Variants in GPC5 observed in about 807,000 individuals in gnomAD.
GPC5 encodes glypican 5.
A neutral mutation model predicts 53.9 loss-of-function variants in GPC5; 47 were observed. The observed-to-expected ratio is 0.87, with a 90% confidence interval of 0.69 to 1.11. GPC5 has a LOEUF of 1.11. Among genes scored for constraint, GPC5 ranks in the 50% most tolerant of loss-of-function variants. The pLI, the probability that GPC5 is intolerant of heterozygous loss-of-function variation, is 0.00. For missense variants in GPC5, 748 were observed against 713.1 expected (o/e 1.05, Z -0.56); for synonymous variants, 286 against 263.3 (o/e 1.09, Z -0.84).
chr13:91,959,587 A>C (rs1179592063), intron 6 of GPC5, among the ~76,000 whole-genome samples: 2 of 152,010 alleles, frequency 1.3e-5, no homozygotes, highest in African/African-American at 4.8e-5. Context: ...TTAGGACACA[A>C]CAAAAAGAAA....
rs554445041 is a variant in GPC5 at position 92,297,373 on chromosome 13, G to C, written c.1561+152384G>C. On this transcript the variant is annotated intron_variant, in intron 7 of 7. Transcript: ENST00000377067. ...ATCAGCACCCTGTGTTTAGCTCAAG[G>C]TTTGTGAGTGCACCAATCGACACTC... 2.6e-4 allele frequency among the ~76,000 whole-genome samples: 37 copies of C among 145,046 alleles called. 1 individual carries two copies. The highest frequency in any genetic ancestry group is 9.6e-4 in the African/African-American group (37 of 38,728).
chr13:92,264,776 G>A (rs2042790134), intron 7 of GPC5, among the ~76,000 whole-genome samples: 1 of 150,834 alleles, frequency 6.6e-6, no homozygotes, highest in Non-Finnish European at 1.5e-5. Flanking sequence ...ATAGCAACAT[G>A]TTCATGCTTT....
At chr13:92,289,803 ACTCTT>A (rs1488280093) in intron 7 of GPC5, among the ~76,000 whole-genome samples, 1 of 151,638 alleles carries the variant, frequency 6.6e-6, no homozygotes, top group Non-Finnish European at 1.5e-5. Context: ...AGTGAAATTC[ACTCTT>A]CTCTATATAT....
intron 7 of GPC5, among the ~76,000 whole-genome samples, chr13:92,614,785 G>T (rs1884628004): frequency 6.6e-6 from 1 of 152,082 alleles, no homozygotes; most frequent in Non-Finnish European, 1.5e-5. Flanking sequence ...GAGAATCAAG[G>T]TTATTTCAAA....
chr13:92,052,578 G>A (rs887307105), intron 6 of GPC5, among the ~76,000 whole-genome samples: 1 of 152,110 alleles, frequency 6.6e-6, no homozygotes, highest in African/African-American at 2.4e-5. Flanking sequence ...CAATCCTTTA[G>A]CTAGGCACAG....
intron 3 of GPC5, among the ~76,000 whole-genome samples, chr13:91,722,824 G>A (rs1249396520): frequency 5.3e-5 from 8 of 152,150 alleles, no homozygotes; most frequent in Admixed American, 5.2e-4. Flanking sequence ...TTGCCAAGCA[G>A]AGATAGTATG....
chr13:91,884,093 A>G (rs1468204344), intron 5 of GPC5, among the ~76,000 whole-genome samples: 1 of 152,190 alleles, frequency 6.6e-6, no homozygotes, highest in Non-Finnish European at 1.5e-5. Context: ...TAAAAAGTCA[A>G]AAAATAACAG....
intron 7 of GPC5, among the ~76,000 whole-genome samples, chr13:92,763,778 A>T (rs1436449044): frequency 1.3e-5 from 2 of 152,172 alleles, no homozygotes; most frequent in East Asian, 3.9e-4. Context: ...AGCTATGAAT[A>T]TGATCCTGTG....
At chr13:91,695,509 GACTACAGGTGCCC>G (rs1283757945) in intron 3 of GPC5, among the ~76,000 whole-genome samples, 1 of 152,056 alleles carries the variant, frequency 6.6e-6, no homozygotes, top group Non-Finnish European at 1.5e-5. Context: ...ACGTAGCTGG[GACTACAGGTGCCC>G]ACTACCATGC....
intron 6 of GPC5, among the ~76,000 whole-genome samples, chr13:92,098,746 G>A (rs549661007): frequency 3.3e-5 from 5 of 152,158 alleles, no homozygotes; most frequent in Non-Finnish European, 5.9e-5. Flanking sequence ...GTAATCACAA[G>A]GGTCTTTAAA....
intron 7 of GPC5, among the ~76,000 whole-genome samples, chr13:92,171,212 G>T (rs1167773822): frequency 6.6e-6 from 1 of 151,896 alleles, no homozygotes; most frequent in Non-Finnish European, 1.5e-5. Context: ...CCACTTTTTT[G>T]TTCTATGTAC....
At chr13:91,401,589 C>T (rs1428183182) in intron 1 of GPC5, among the ~76,000 whole-genome samples, 2 of 152,132 alleles carry the variant, frequency 1.3e-5, no homozygotes, top group South Asian at 2.1e-4. Flanking sequence ...TTTGGAAGTA[C>T]GTATTTTTAC....
intron 7 of GPC5, among the ~76,000 whole-genome samples, chr13:92,221,526 C>A (rs2042448320): frequency 6.6e-6 from 1 of 152,090 alleles, no homozygotes; most frequent in African/African-American, 2.4e-5. Context: ...TCCCAACACC[C>A]TCTCCCACAT....
At chr13:91,855,316 A>G (rs1673392815) in intron 5 of GPC5, among the ~76,000 whole-genome samples, 1 of 151,652 alleles carries the variant, frequency 6.6e-6, no homozygotes, top group Non-Finnish European at 1.5e-5. Context: ...AGTCATATCT[A>G]AGCAACGAAA....
intron 1 of GPC5, among the ~76,000 whole-genome samples, chr13:91,433,808 G>C (rs1179485458): frequency 6.6e-6 from 1 of 152,070 alleles, no homozygotes; most frequent in Non-Finnish European, 1.5e-5. Flanking sequence ...CTAGTTTATA[G>C]TCCCACCAAC....
At chr13:92,600,422 T>C (rs1237429017) in intron 7 of GPC5, among the ~76,000 whole-genome samples, 1 of 152,200 alleles carries the variant, frequency 6.6e-6, no homozygotes, top group Non-Finnish European at 1.5e-5. Context: ...ACTTAGCATA[T>C]AGCTAGCAAG....
intron 7 of GPC5, among the ~76,000 whole-genome samples, chr13:92,554,014 CA>C (rs1232837025): frequency 6.6e-6 from 1 of 151,794 alleles, no homozygotes. Flanking sequence ...ATTCTGATTA[CA>C]AAAGATGTAT....
chr13:92,378,946 T>A (rs1014459058), intron 7 of GPC5, among the ~76,000 whole-genome samples: 1 of 152,180 alleles, frequency 6.6e-6, no homozygotes, highest in Non-Finnish European at 1.5e-5. Flanking sequence ...TCTAATCATA[T>A]ATTGTGTCTG....
intron 6 of GPC5, among the ~76,000 whole-genome samples, chr13:92,056,197 T>C (rs541636554): frequency 6.6e-6 from 1 of 152,284 alleles, no homozygotes; most frequent in South Asian, 2.1e-4. Flanking sequence ...CTTCCCTGCC[T>C]TATTCAGCTG....
Sources: gnomAD v4.1 joint callset for allele counts (sites outside exome capture counted in the v4.1 genomes callset) on GRCh38, gnomAD v4.1.1 for gene constraint, MANE v1.5 for transcripts, NCBI Gene and HGNC (gene_info 2026-07-23, HGNC 2026-07-21) for gene names.